Variants in RETREG3 observed in about 807,000 individuals in gnomAD.
RETREG3 encodes reticulophagy regulator 3.
In RETREG3, 23 loss-of-function variants were observed where a neutral mutation model predicts 50.2. That is an observed-to-expected ratio of 0.46 (90% CI 0.33 to 0.65). RETREG3 has a LOEUF of 0.65. RETREG3 is among the 30% of genes least tolerant of loss of function. The pLI is 0.02. For synonymous variants in RETREG3, 240 were observed against 234.4 expected, an observed-to-expected ratio of 1.02 and a Z score of -0.22; for missense variants, 546 against 598.0, an observed-to-expected ratio of 0.91 and a Z score of 0.91.
chr17:42,608,466 C>T (rs1428024894), intron 1 of RETREG3, among the ~76,000 whole-genome samples: 2 of 152,330 alleles, frequency 1.3e-5, no homozygotes, highest in East Asian at 3.9e-4. Flanking sequence ...GTTACAATCA[C>T]AGGTGGCTTT....
At chr17:42,583,313 T>G (rs1290547479) in intron 7 of RETREG3, among the ~76,000 whole-genome samples, 185 bp downstream of exon 7, 2 of 151,928 alleles carry the variant, frequency 1.3e-5, no homozygotes, top group African/African-American at 4.8e-5. Flanking sequence ...CTAGGTTGAT[T>G]ACAGGAATGA....
rs1344573751 is a variant in RETREG3 at position 42,582,404 on chromosome 17, C to T, written c.944-134G>A. 4.5e-6 allele frequency: 4 copies of T among 898,744 alleles called. No homozygotes were observed. The East Asian group carries it at 1.0e-4, about 23-fold the overall frequency. 55.7% of individuals were successfully genotyped at this position (898,744 alleles called of 1,614,324 possible). A position where few individuals can be genotyped will look rare whatever the true frequency, so the allele number is the denominator to read the frequency against. ...CCCATGGGACTGGTATACCTTTCCC[C>T]TCCACTTATAGGTGGCTGTGATCTC... On this transcript the variant is annotated intron_variant, in intron 8 of 8. Coordinates refer to ENST00000309428, the MANE Select transcript of RETREG3 (RefSeq NM_178126.4).
chr17:42,595,297 T>C (rs2093141877), intron 1 of RETREG3, among the ~76,000 whole-genome samples: 1 of 151,714 alleles, frequency 6.6e-6, no homozygotes, highest in South Asian at 2.1e-4. Context: ...ACGGAATTTT[T>C]TGAGACACCA....
At chr17:42,598,820 T>C (rs2093153111) in intron 1 of RETREG3, 1 of 152,212 alleles carries the variant, frequency 6.6e-6, no homozygotes, top group South Asian at 2.1e-4. Flanking sequence ...TAACAGGTAC[T>C]CAAAGGTATG....
intron 6 of RETREG3, among the ~76,000 whole-genome samples, chr17:42,584,815 CAAAAA>C (rs71157643): frequency 1.2e-5 from 1 of 82,630 alleles, no homozygotes; most frequent in Non-Finnish European, 2.3e-5. Flanking sequence ...GACCCTGTCT[CAAAAA>C]AAAAAAAAAA....
chr17:42,580,279 T>G lies in RETREG3; in HGVS notation c.*1534A>C, dbSNP rs557817601. 7.9e-5 allele frequency: 12 copies of G among 152,820 alleles called. No homozygotes were observed. Among genetic ancestry groups the G allele is most frequent in the Admixed American group, 3.9e-4 (6 of 15,296 alleles). 9.5% of individuals were successfully genotyped at this position (152,820 alleles called of 1,614,324 possible). On this transcript the variant is annotated 3_prime_UTR_variant, in exon 9 of 9. Coordinates refer to ENST00000309428, the MANE Select transcript of RETREG3 (RefSeq NM_178126.4). ...TTGAAAATAAAAGCTGTAAAGGAGC[T>G]GAACAGGAAGTAAGAATAGGTGGTG...
chr17:42,586,496 C>T (rs2093121507), intron 4 of RETREG3: 1 of 415,460 alleles, frequency 2.4e-6, no homozygotes, highest in Middle Eastern at 6.8e-4. Context: ...TAATATGACA[C>T]AGAATGTACA....
At chr17:42,583,467 G>T in intron 7 of RETREG3, 31 bp downstream of exon 7, 1 of 1,607,228 alleles carries the variant, frequency 6.2e-7, no homozygotes, top group Non-Finnish European at 8.5e-7. Flanking sequence ...AAGAAAACTG[G>T]ACAGTGAAGC....
intron 2 of RETREG3, among the ~76,000 whole-genome samples, chr17:42,588,953 CA>C (rs1200231402): frequency 3.3e-5 from 5 of 152,146 alleles, no homozygotes; most frequent in African/African-American, 9.7e-5. Context: ...CCACCACACC[CA>C]GCCTGCCTGT....
intron 1 of RETREG3, among the ~76,000 whole-genome samples, chr17:42,607,273 A>C (rs2093169425): frequency 6.6e-6 from 1 of 151,624 alleles, no homozygotes; most frequent in African/African-American, 2.4e-5. Flanking sequence ...CCAAGGCAGG[A>C]GGATCACCAG....
At position 42,583,523 on chromosome 17, in the gene RETREG3, T is replaced by C; in HGVS notation, c.785A>G (p.Glu262Gly). 1 of 1,613,826 alleles carries C rather than the reference T, an allele frequency of 6.2e-7. No individual in the cohort carries two copies. Among genetic ancestry groups the C allele is most frequent in the Non-Finnish European group, 8.5e-7 (1 of 1,179,824 alleles). The change falls in exon 7 of 9, where the codon GAG becomes GGG. Residue 262 changes from glutamate (E) to glycine (G), a missense_variant. By Grantham distance (98) the Glu-to-Gly change is moderately conservative (BLOSUM62 -2). Transcript: ENST00000309428. ...RAMDNHSDSE[E>G]ELAAFCPQLD... ...CTGAGGACAGAAGGCAGCAAGCTCC[T>C]CTTCGCTGTCACTGTGGTTGTCCAT...
intron 4 of RETREG3, 41 bp from the exon 5 acceptor site, chr17:42,586,178 C>T: frequency 2.5e-6 from 4 of 1,598,416 alleles, no homozygotes; most frequent in Non-Finnish European, 3.4e-6. Flanking sequence ...TGTCACATGG[C>T]AGGGGACTGG....
intron 2 of RETREG3, among the ~76,000 whole-genome samples, chr17:42,590,046 C>T (rs997981891): frequency 5.3e-5 from 8 of 151,832 alleles, no homozygotes; most frequent in African/African-American, 1.5e-4. Flanking sequence ...ACTAAAAATA[C>T]CAAAAAAATT....
At chr17:42,585,943 T>C (rs1159296298) in intron 5 of RETREG3, 110 bp downstream of exon 5, 6 of 978,054 alleles carry the variant, frequency 6.1e-6, no homozygotes, top group Non-Finnish European at 6.4e-6. Context: ...GCAAAGGTCA[T>C]ATCCTAGAGA....
intron 2 of RETREG3, among the ~76,000 whole-genome samples, chr17:42,588,868 G>T (rs1281804740): frequency 6.6e-6 from 1 of 152,126 alleles, no homozygotes; most frequent in Non-Finnish European, 1.5e-5. Flanking sequence ...TGTTGGCCAG[G>T]CTGGTCTTGA....
intron 2 of RETREG3, among the ~76,000 whole-genome samples, chr17:42,590,211 AT>A (rs1176878264): frequency 6.6e-6 from 1 of 151,786 alleles, no homozygotes; most frequent in Non-Finnish European, 1.5e-5. Flanking sequence ...CTCAAAAAAA[AT>A]TTTTTTTACT....
intron 2 of RETREG3, among the ~76,000 whole-genome samples, chr17:42,590,158 C>T (rs1171747252): frequency 1.6e-4 from 24 of 152,240 alleles, no homozygotes; most frequent in Admixed American, 2.0e-4. Context: ...GAGCCAAGAT[C>T]GCGCCACTGC....
chr17:42,594,075 C>T (rs151136827), intron 1 of RETREG3, among the ~76,000 whole-genome samples: 1 of 152,314 alleles, frequency 6.6e-6, no homozygotes, highest in Non-Finnish European at 1.5e-5. Context: ...CTTGCGGTCC[C>T]AGTTACCTGG....
At chr17:42,609,401 C>A, upstream of RETREG3, 1 of 1,467,342 alleles carries the variant, frequency 6.8e-7, no homozygotes, top group South Asian at 1.3e-5. Context: ...ATGCGCGATT[C>A]GGCGGGGGAG....
Sources: allele counts gnomAD v4.1 joint callset (sites outside exome capture counted in the v4.1 genomes callset), GRCh38; gene constraint gnomAD v4.1.1; transcripts MANE v1.5; gene names NCBI Gene and HGNC (gene_info 2026-07-23, HGNC 2026-07-21).